The following GOLGA4 variants were observed in gnomAD, a reference collection of about 807,000 sequenced individuals.
The protein encoded by GOLGA4 is golgin subfamily A member 4.
A neutral mutation model predicts 265.9 loss-of-function variants in GOLGA4; 169 were observed. The ratio of observed to expected loss-of-function variants is 0.64; its 90% CI spans 0.56 to 0.72. The LOEUF (loss-of-function observed/expected upper bound fraction) is 0.72, where lower values mean the gene tolerates loss of function less well. Among genes scored for constraint, GOLGA4 ranks in the 30% least tolerant of loss-of-function variants. The pLI, the probability that GOLGA4 is intolerant of heterozygous loss-of-function variation, is 0.00. For missense variants in GOLGA4, 2,482 were observed against 2,483.4 expected, an observed-to-expected ratio of 1.00 and a Z score of 0.01; for synonymous variants, 923 against 855.8, an observed-to-expected ratio of 1.08 and a Z score of -1.37.
In GOLGA4 at chr3:37,361,299, A is replaced by G. The variant is rs1224086594; in HGVS notation, c.*27A>G. On this transcript the variant is annotated 3_prime_UTR_variant, in exon 23 of 24. Coordinates refer to ENST00000361924, the MANE Select transcript of GOLGA4 (RefSeq NM_002078.5). ...TAAACCATCAGTCTGTGCTTAGTTA[A>G]CATGTGGTGAGTGAAGAACAATGTC... The G allele has an allele frequency of 1.2e-6, 2 of 1,608,662 alleles. No homozygotes were observed. The highest frequency in any genetic ancestry group is 3.3e-5 in the Admixed American group (2 of 59,992).
At chr3:37,354,085 T>G (rs1309788731) in intron 21 of GOLGA4, among the ~76,000 whole-genome samples, 3 of 152,084 alleles carry the variant, frequency 2.0e-5, no homozygotes, top group Non-Finnish European at 4.4e-5. Flanking sequence ...TTTAAAAAAG[T>G]TAGTTCCTTT....
intron 9 of GOLGA4, among the ~76,000 whole-genome samples, chr3:37,301,065 T>C (rs2096891405): frequency 6.6e-6 from 1 of 152,236 alleles, no homozygotes; most frequent in African/African-American, 2.4e-5. Flanking sequence ...TCCATTAATA[T>C]TAGCCATCTG....
In GOLGA4 at chr3:37,366,531, A is replaced by T. The variant is rs1368462991; in HGVS notation, c.*485A>T. ...CTATTTTATTCAGGTTGATCTGTTG[A>T]ATATTTGCTAAAGACCAGTTCTTTA... is the stretch of plus-strand genomic sequence containing the variant. On this transcript the variant is annotated 3_prime_UTR_variant, in exon 24 of 24. Transcript: ENST00000361924. The T allele has an allele frequency of 6.4e-6, 1 of 157,240 alleles. No homozygotes were observed. Among genetic ancestry groups the T allele is most frequent in the Non-Finnish European group, 1.4e-5 (1 of 71,334 alleles). 9.7% of individuals were successfully genotyped at this position (157,240 alleles called of 1,614,324 possible). A position where few individuals can be genotyped will look rare whatever the true frequency, so the allele number is the denominator to read the frequency against.
Position 37,282,262 on chromosome 3 carries a change from A to G in GOLGA4, c.467A>G (p.Lys156Arg). 2 of 1,613,378 alleles carry G rather than the reference A, an allele frequency of 1.2e-6. No homozygotes were observed. Among genetic ancestry groups the G allele is most frequent in the Non-Finnish European group, 1.7e-6 (2 of 1,179,420 alleles). Residue 156 changes from lysine (K) to arginine (R), a missense_variant, in exon 3 of 24, where the codon AAA (lysine) becomes AGA (arginine). Around this residue, in one of 3 missense-constraint regions of GOLGA4, gnomAD observed 1,536 missense variants for 1,483.7 expected, o/e 1.04. Transcript: ENST00000361924. ...CGAAGCTTAAGTAGCTACAGGGGAA[A>G]ATATTCTGAGGTAGGAGCATGACCT... The part of the protein sequence containing the change: ...MERSLSSYRG[K>R]YSELVTAYQM...
intron 2 of GOLGA4, among the ~76,000 whole-genome samples, chr3:37,273,932 T>G (rs2096805984): frequency 6.6e-6 from 1 of 151,970 alleles, no homozygotes; most frequent in Non-Finnish European, 1.5e-5. Flanking sequence ...CAAAACTCTG[T>G]CTCTACTAAA....
chr3:37,322,260 A>G (rs952760218), intron 13 of GOLGA4, among the ~76,000 whole-genome samples: 1 of 152,170 alleles, frequency 6.6e-6, no homozygotes, highest in African/African-American at 2.4e-5. Context: ...CATGTCCTGA[A>G]CGTAATCCAG....
intron 1 of GOLGA4, chr3:37,244,018 C>T (rs529818656): frequency 1.5e-4 from 30 of 197,150 alleles, no homozygotes; most frequent in African/African-American, 6.5e-4. Context: ...TGATATCTGA[C>T]CTCTGCTCGA....
At chr3:37,273,542 T>C in intron 2 of GOLGA4, 6 of 1,496,558 alleles carry the variant, frequency 4.0e-6, no homozygotes, top group Non-Finnish European at 5.4e-6. Flanking sequence ...TTAGAATGCA[T>C]CTACTCATGC....
Position 37,298,856 on chromosome 3 carries a change from A to G in GOLGA4, c.838A>G (p.Thr280Ala). The G allele has an allele frequency of 6.2e-7, 1 of 1,606,880 alleles. No individual in the cohort carries two copies. The highest frequency in any genetic ancestry group is 8.5e-7 in the Non-Finnish European group (1 of 1,178,124). Residue 280 changes from threonine (T) to alanine (A), a missense_variant, in exon 8 of 24, where the codon ACA becomes GCA. Thr to Ala is a moderately conservative substitution (Grantham distance 58, BLOSUM62 0). This residue lies in a region of GOLGA4 where 1,536 missense variants were observed against 1,483.7 expected (regional missense o/e 1.04). Coordinates refer to ENST00000361924, the MANE Select transcript of GOLGA4 (RefSeq NM_002078.5). ...PVVEDGTSVKTLETLQQRVKR... is the reference protein window; with the variant it reads ...PVVEDGTSVKALETLQQRVKR... Reference sequence around the variant, plus strand: ...AGTGGAAGATGGAACTTCTGTAAAAACACTGGAAACACTCCAGCAAAGAGT... The same window carrying G: ...AGTGGAAGATGGAACTTCTGTAAAAGCACTGGAAACACTCCAGCAAAGAGT...
chr3:37,324,288 A>T lies in GOLGA4; in HGVS notation c.2402A>T (p.Asp801Val). Residue 801 changes from aspartate to valine, a missense_variant, in exon 14 of 24, where the codon GAC becomes GTC. This residue lies in a region of GOLGA4 where 1,536 missense variants were observed against 1,483.7 expected (regional missense o/e 1.04). Coordinates refer to ENST00000361924, the MANE Select transcript of GOLGA4 (RefSeq NM_002078.5). The part of the protein sequence containing the change: ...GELQQASAKL[D>V]VFQSYQSATH... Reference sequence around the variant, plus strand: ...CTCCAGCAGGCATCTGCTAAGCTGGACGTTTTTCAGTCTTACCAGAGTGCC... The same window carrying T: ...CTCCAGCAGGCATCTGCTAAGCTGGTCGTTTTTCAGTCTTACCAGAGTGCC... 1 of 1,614,226 alleles carries T rather than the reference A, an allele frequency of 6.2e-7. No individual in the cohort carries two copies. Among genetic ancestry groups the T allele is most frequent in the Non-Finnish European group, 8.5e-7 (1 of 1,180,032 alleles).
At chr3:37,359,070 G>A (rs1029910276) in intron 22 of GOLGA4, among the ~76,000 whole-genome samples, 29 of 152,224 alleles carry the variant, frequency 1.9e-4, no homozygotes, top group African/African-American at 6.5e-4. Context: ...AAAACAAAAT[G>A]CACATACCAA....
chr3:37,328,626 T>C, intron 15 of GOLGA4, 89 bp downstream of exon 15: 3 of 1,166,888 alleles, frequency 2.6e-6, no homozygotes, highest in Non-Finnish European at 3.6e-6. Context: ...GTAAGTGCAT[T>C]AAGTCATTAA....
intron 2 of GOLGA4, among the ~76,000 whole-genome samples, chr3:37,255,653 A>C (rs184726181): frequency 1.3e-5 from 2 of 152,162 alleles, no homozygotes; most frequent in Non-Finnish European, 2.9e-5. Context: ...TCTACCACCT[A>C]AGCATTCCAG....
chr3:37,351,839 A>G (rs1203095849), intron 21 of GOLGA4, among the ~76,000 whole-genome samples: 1 of 152,098 alleles, frequency 6.6e-6, no homozygotes, highest in African/African-American at 2.4e-5. Context: ...GAGCACAGGC[A>G]GAGTAGAGTT....
rs113241252 is a variant in GOLGA4 at position 37,255,979 on chromosome 3, A to AG, written c.162+4496dup. ...CTTAAAATAAATCCAAGCCAGTCAC[A>AG]GTGGTGTGCACCTGTAGTCCCAGCT... is the stretch of plus-strand genomic sequence containing the variant. On this transcript the variant is annotated intron_variant, in intron 2 of 23. Coordinates refer to ENST00000361924, the MANE Select transcript of GOLGA4 (RefSeq NM_002078.5). Among the ~76,000 whole-genome samples, 7 of 152,296 alleles carry AG rather than the reference A, an allele frequency of 4.6e-5. 1 individual carries two copies. Among genetic ancestry groups the AG allele is most frequent in the African/African-American group, 1.7e-4 (7 of 41,554 alleles).
Position 37,249,832 on chromosome 3 carries a change from A to T in GOLGA4, c.73-1563A>T, listed in dbSNP as rs540101177. On this transcript the variant is annotated intron_variant, in intron 1 of 23. Coordinates refer to ENST00000361924, the MANE Select transcript of GOLGA4 (RefSeq NM_002078.5). ...TCTGAGCTGATTGCTACGTCCAGTT[A>T]TACTGGGGAGACTACTCTGTGTTGC... The T allele has an allele frequency of 3.3e-5, 5 of 152,320 alleles. No individual in the cohort carries two copies. In the East Asian group the frequency reaches 9.7e-4, roughly 29 times the overall value. 9.4% of individuals were successfully genotyped at this position (152,320 alleles called of 1,614,324 possible). A position where few individuals can be genotyped will look rare whatever the true frequency, so the allele number is the denominator to read the frequency against.
intron 3 of GOLGA4, 88 bp downstream of exon 3, chr3:37,282,360 G>C: frequency 3.2e-6 from 3 of 933,606 alleles, no homozygotes; most frequent in East Asian, 4.8e-5. Flanking sequence ...CCTGTGATTG[G>C]CTAAACTGTT....
chr3:37,264,035 G>C (rs2096777231), intron 2 of GOLGA4, among the ~76,000 whole-genome samples: 1 of 152,218 alleles, frequency 6.6e-6, no homozygotes, highest in South Asian at 2.1e-4. Context: ...GACTGTCAGT[G>C]GACACTAATT....
intron 23 of GOLGA4, among the ~76,000 whole-genome samples, chr3:37,362,298 G>A (rs1365050810): frequency 6.8e-6 from 1 of 146,886 alleles, no homozygotes; most frequent in Non-Finnish European, 1.5e-5. Flanking sequence ...GTGCAGTGGC[G>A]GGATCTCGGC....
Sources: allele counts gnomAD v4.1 joint callset (sites outside exome capture counted in the v4.1 genomes callset), GRCh38; gene constraint gnomAD v4.1.1; regional missense constraint gnomAD v4.1.1; transcripts MANE v1.5; gene names NCBI Gene and HGNC (gene_info 2026-07-23, HGNC 2026-07-21).